The following ME1 variants were observed in gnomAD, a reference collection of about 807,000 sequenced individuals.
ME1 encodes the protein malic enzyme 1.
ME1 carries 74 observed loss-of-function variants against 66.4 expected under a neutral mutation model. The observed-to-expected ratio is 1.11, with a 90% CI of 0.92 to 1.35. ME1 has a LOEUF of 1.35. Ranked by LOEUF, ME1 falls within the 40% of genes most tolerant of loss-of-function variation. ME1 has a pLI of 0.00. For synonymous variants in ME1, 251 were observed against 235.6 expected, an observed-to-expected ratio of 1.07 and a Z score of -0.60; for missense variants, 750 against 694.1, an observed-to-expected ratio of 1.08 and a Z score of -0.90.
intron 4 of ME1, among the ~76,000 whole-genome samples, chr6:83,348,954 A>G (rs1768741278): frequency 7.0e-6 from 1 of 143,798 alleles, no homozygotes; most frequent in Non-Finnish European, 1.5e-5. Context: ...ACTGCATTCC[A>G]GCCTGGGCAA....
chr6:83,382,296 G>A (rs1264048832), intron 3 of ME1, among the ~76,000 whole-genome samples: 1 of 152,024 alleles, frequency 6.6e-6, no homozygotes, highest in Non-Finnish European at 1.5e-5. Context: ...AAAGTGCCTG[G>A]CATGCAGTGG....
chr6:83,392,453 G>A, intron 3 of ME1: 2 of 502,140 alleles, frequency 4.0e-6, no homozygotes, highest in South Asian at 1.4e-5. Context: ...AGATTTGGTT[G>A]TATTGGCTGC....
In ME1 at chr6:83,425,522, G is replaced by C. The variant is rs75202717; in HGVS notation, c.78+5355C>G. 2.3e-3 allele frequency among the ~76,000 whole-genome samples: 352 copies of C among 152,094 alleles called. 1 individual carries two copies. Among genetic ancestry groups the C allele is most frequent in the Non-Finnish European group, 4.4e-3 (301 of 67,994 alleles). On this transcript the variant is annotated intron_variant, in intron 1 of 13. Coordinates refer to ENST00000369705, the MANE Select transcript of ME1 (RefSeq NM_002395.6). ...CGGCAGGAAAAAGAATGAGCAAAAG[G>C]GGGGAAAGCCCCTTATAAAACCATC...
chr6:83,282,110 G>T (rs1767308196), intron 6 of ME1, among the ~76,000 whole-genome samples: 1 of 151,706 alleles, frequency 6.6e-6, no homozygotes, highest in African/African-American at 2.4e-5. Flanking sequence ...ACTAATCAAG[G>T]CAGACAAATA....
At chr6:83,265,622 G>A (rs971167099) in intron 6 of ME1, among the ~76,000 whole-genome samples, 1 of 152,066 alleles carries the variant, frequency 6.6e-6, no homozygotes, top group East Asian at 1.9e-4. Context: ...TTTTCACTGA[G>A]AAACCAAAAA....
At chr6:83,407,208 C>G (rs1769962939) in intron 2 of ME1, among the ~76,000 whole-genome samples, 4 of 152,160 alleles carry the variant, frequency 2.6e-5, no homozygotes, top group Admixed American at 2.0e-4. Flanking sequence ...CAAAAACAGA[C>G]AGCAAAGCAG....
intron 5 of ME1, among the ~76,000 whole-genome samples, chr6:83,327,549 G>A (rs1017538094): frequency 6.6e-6 from 1 of 152,152 alleles, no homozygotes; most frequent in Non-Finnish European, 1.5e-5. Context: ...TTATTAGGAA[G>A]AGGAAATTCC....
intron 4 of ME1, among the ~76,000 whole-genome samples, chr6:83,346,648 CTG>C: frequency 6.6e-6 from 1 of 152,252 alleles, no homozygotes; most frequent in Non-Finnish European, 1.5e-5. Context: ...AGAGCTCAGA[CTG>C]GGAACCAAAA....
chr6:83,239,657 C>T, intron 7 of ME1, 21 bp from the exon 8 acceptor site: 17 of 1,542,200 alleles, frequency 1.1e-5, no homozygotes, highest in Non-Finnish European at 1.5e-5. Flanking sequence ...TAATAAATAT[C>T]CTTGAGTAAT....
At chr6:83,392,683 G>T (rs1769645184) in intron 3 of ME1, 2 of 603,334 alleles carry the variant, frequency 3.3e-6, no homozygotes, top group Middle Eastern at 4.8e-4. Context: ...ATGGGGCAAT[G>T]CTGGCACTGA....
chr6:83,297,940 A>C (rs1225243539), intron 6 of ME1, among the ~76,000 whole-genome samples: 4 of 152,062 alleles, frequency 2.6e-5, no homozygotes, highest in African/African-American at 9.7e-5. Flanking sequence ...TATGTACCAC[A>C]TTTTCTTTAT....
intron 6 of ME1, among the ~76,000 whole-genome samples, chr6:83,261,812 GA>G (rs1766896935): frequency 6.6e-6 from 1 of 151,810 alleles, no homozygotes; most frequent in African/African-American, 2.4e-5. Flanking sequence ...TCAGGAGTTC[GA>G]GACCAGCCTG....
At chr6:83,283,125 G>T (rs1381137324) in intron 6 of ME1, among the ~76,000 whole-genome samples, 1 of 148,140 alleles carries the variant, frequency 6.8e-6, no homozygotes, top group African/African-American at 2.5e-5. Context: ...CTACTCGGGA[G>T]GCTGAGGCAG....
intron 6 of ME1, among the ~76,000 whole-genome samples, chr6:83,269,947 C>A (rs568560340): frequency 1.3e-5 from 2 of 152,214 alleles, no homozygotes; most frequent in South Asian, 4.1e-4. Context: ...TACTCCATAG[C>A]AAGAAAAATA....
At chr6:83,373,475 C>T (rs1769231772) in intron 3 of ME1, among the ~76,000 whole-genome samples, 1 of 152,170 alleles carries the variant, frequency 6.6e-6, no homozygotes, top group Admixed American at 6.5e-5. Context: ...ACCTCAGCCT[C>T]CAAAAGTGCT....
chr6:83,327,693 C>T (rs529235366), intron 5 of ME1, among the ~76,000 whole-genome samples: 4 of 152,268 alleles, frequency 2.6e-5, no homozygotes, highest in African/African-American at 9.6e-5. Context: ...TGTGATCTCA[C>T]CCTGTCTCCA....
rs139570721 is a variant in ME1, at chr6:83,215,140, A to T, written c.1548+1358T>A. On this transcript the variant is annotated intron_variant, in intron 13 of 13. Coordinates refer to ENST00000369705, the MANE Select transcript of ME1 (RefSeq NM_002395.6). The stretch of plus-strand genomic sequence containing the variant: ...ATTATGTAAAGGTTTTTAGAGAATT[A>T]CTTCTTTTTTTAAGAGACTGCCTTC... Among the ~76,000 whole-genome samples the T allele has an allele frequency of 1.6e-3, 244 of 152,314 alleles. 2 individuals are homozygous for T. The East Asian group carries it at 0.043, about 27-fold the overall frequency.
chr6:83,221,363 C>T (rs1186445577), intron 12 of ME1, among the ~76,000 whole-genome samples: 3 of 152,110 alleles, frequency 2.0e-5, no homozygotes, highest in Admixed American at 1.3e-4. Flanking sequence ...AAGCAGTACC[C>T]TAAAGGAGAA....
chr6:83,281,297 CTAATCT>C (rs1767281468), intron 6 of ME1, among the ~76,000 whole-genome samples: 1 of 152,126 alleles, frequency 6.6e-6, no homozygotes, highest in Admixed American at 6.5e-5. Context: ...AAATCTGCCT[CTAATCT>C]TAATTTCATG....
Sources: gnomAD v4.1 joint callset for allele counts (sites outside exome capture counted in the v4.1 genomes callset) on GRCh38, gnomAD v4.1.1 for gene constraint, MANE v1.5 for transcripts, NCBI Gene and HGNC (gene_info 2026-07-23, HGNC 2026-07-21) for gene names.